ANO7: variants seen among roughly 807,000 people sequenced by gnomAD.
ANO7 encodes anoctamin-7.
In ANO7, 114 loss-of-function variants were observed where a neutral mutation model predicts 115.8. The ratio of observed to expected loss-of-function variants is 0.98; its 90% CI spans 0.85 to 1.15. The LOEUF (loss-of-function observed/expected upper bound fraction) is 1.15, where lower values mean the gene tolerates loss of function less well. Among genes scored for constraint, ANO7 ranks in the 50% most tolerant of loss-of-function variants. The pLI is 0.00. For missense variants in ANO7, 1,302 were observed against 1,201.2 expected (o/e 1.08, Z -1.24); for synonymous variants, 550 against 498.2 (o/e 1.10, Z -1.38).
chr2:241,235,244 A>G, the ANO7 span: 4 of 1,614,200 alleles, frequency 2.5e-6, no homozygotes, highest in East Asian at 2.2e-5. Flanking sequence ...GTGCCGGGAC[A>G]TGTATGTTCA....
chr2:241,230,653 G>T, downstream of ANO7: 1 of 953,398 alleles, frequency 1.0e-6, no homozygotes. The surrounding 1 kb of genome is among the most constrained non-coding windows in gnomAD (Gnocchi z 5.0). Flanking sequence ...CTGGGGTTGT[G>T]GCCTCATCAT....
chr2:241,223,268 G>T lies in ANO7; in HGVS notation c.2404G>T (p.Val802Leu). 1 of 1,614,250 alleles carries T rather than the reference G, an allele frequency of 6.2e-7. No individual in the cohort carries two copies. The highest frequency in any genetic ancestry group is 1.1e-5 in the South Asian group (1 of 91,088). The change falls in exon 22 of 25, where the codon GTG becomes TTG. Residue 802 changes from valine to leucine, a missense_variant. By Grantham distance (32) the Val-to-Leu change is conservative. Transcript: ENST00000674324. ...TGCCATCCGCCTGGCCTTCGTCATT[G>T]TGTTTGAGGTAGCCGAGGCACCTGC... The part of the protein sequence containing the change: ...LLAIRLAFVI[V>L]FEHVVFSVGR...
chr2:241,194,032 C>A (rs931257252), intron 3 of ANO7, among the ~76,000 whole-genome samples: 2 of 152,120 alleles, frequency 1.3e-5, no homozygotes, highest in Admixed American at 6.6e-5. Context: ...TGTGCCACCA[C>A]GCCTGGCTAA....
intron 4 of ANO7, among the ~76,000 whole-genome samples, chr2:241,196,483 C>A (rs1336336750): frequency 6.6e-6 from 1 of 152,232 alleles, no homozygotes; most frequent in Non-Finnish European, 1.5e-5. Flanking sequence ...CCTCTGTCCC[C>A]AGGAGCAGGC....
chr2:241,227,094 G>C (rs1344592330), downstream of ANO7, among the ~76,000 whole-genome samples: 3 of 152,214 alleles, frequency 2.0e-5, no homozygotes, highest in Non-Finnish European at 4.4e-5. Flanking sequence ...ACAGGGACAG[G>C]CAGCCACCCT....
chr2:241,196,077 G>A, intron 4 of ANO7: 1 of 1,416,330 alleles, frequency 7.1e-7, no homozygotes, highest in Middle Eastern at 2.6e-4. Context: ...TCTCATGGAA[G>A]TCGGAGCCCT....
In ANO7 at chr2:241,224,379, T is replaced by A; in HGVS notation, c.*226T>A. ...GGACCGTCAGCTCACAAGGCCCTCT[T>A]TGTTTCCTGCTCCCAGACATAAGCC... On this transcript the variant is annotated 3_prime_UTR_variant, in exon 25 of 25. Transcript: ENST00000674324. 1.7e-6 allele frequency: 1 copy of A among 572,176 alleles called. No individual in the cohort carries two copies. The allele number at this position is 572,176 out of a possible 1,614,324, so 35.4% of individuals were successfully genotyped here. A position where few individuals can be genotyped will look rare whatever the true frequency, so the allele number is the denominator to read the frequency against.
At chr2:241,196,302 C>A in intron 4 of ANO7, 1 of 482,852 alleles carries the variant, frequency 2.1e-6, no homozygotes, top group Non-Finnish European at 2.8e-6. Context: ...GCGTGAGAAA[C>A]AGGAACTAGG....
At chr2:241,233,368 TAAC>T in the ANO7 span, among the ~76,000 whole-genome samples, 78 of 152,192 alleles carry the variant, frequency 5.1e-4, 1 homozygote, top group South Asian at 0.015. The surrounding 1 kb of genome is among the most constrained non-coding windows in gnomAD (Gnocchi z 4.3). Context: ...TTGGAGGAAG[TAAC>T]AACAAGAGTT....
At chr2:241,204,576 A>G (rs1336693799) in intron 9 of ANO7, among the ~76,000 whole-genome samples, 1 of 152,044 alleles carries the variant, frequency 6.6e-6, no homozygotes, top group Admixed American at 6.6e-5. Flanking sequence ...GAGCTGGCTG[A>G]GGAGAAGGCA....
chr2:241,190,135 G>A lies in ANO7; in HGVS notation c.72G>A (p.Lys24=). Reference sequence around the variant, plus strand: ...ATGTGAGCCCCCCTGAGGCAGAGAAGAGGGGCTCTTACGGGAGCACAGCCC... The same window carrying A: ...ATGTGAGCCCCCCTGAGGCAGAGAAAAGGGGCTCTTACGGGAGCACAGCCC... ...LIDVSPPEAE[K]RGSYGSTAHA... Residue 24 remains lysine, a synonymous_variant, in exon 2 of 25, where the codon AAG becomes AAA. Transcript: ENST00000674324. 6.3e-7 allele frequency: 1 copy of A among 1,577,314 alleles called. No individual in the cohort carries two copies. The highest frequency in any genetic ancestry group is 8.6e-7 in the Non-Finnish European group (1 of 1,161,780).
chr2:241,208,509 C>G (rs967559), intron 11 of ANO7, among the ~76,000 whole-genome samples: 117,459 of 152,216 alleles, frequency 0.77, 45,532 homozygotes, highest in East Asian at 0.91. Flanking sequence ...CCAGAGTACT[C>G]TCATCTGGAG....
chr2:241,219,908 G>A, intron 21 of ANO7, among the ~76,000 whole-genome samples: 1 of 152,034 alleles, frequency 6.6e-6, no homozygotes, highest in Admixed American at 6.5e-5. Context: ...TCCTAACAAA[G>A]CCTGAATGAA....
intron 2 of ANO7, 100 bp downstream of exon 2, chr2:241,190,271 A>G: frequency 9.6e-7 from 1 of 1,041,642 alleles, no homozygotes; most frequent in African/African-American, 1.6e-5. Context: ...GTGGATGGGC[A>G]TCACCGTGTT....
intron 6 of ANO7, 147 bp downstream of exon 6, chr2:241,200,372 CGT>C: frequency 8.7e-7 from 1 of 1,152,660 alleles, no homozygotes; most frequent in Non-Finnish European, 1.2e-6. Context: ...ACGCTTATCG[CGT>C]GTCTGCATTT....
rs1310224306 is a variant in ANO7, at chr2:241,212,187, T to C, written c.1655T>C (p.Ile552Thr). 3.1e-6 allele frequency: 5 copies of C among 1,613,958 alleles called. No homozygotes were observed. The highest frequency in any genetic ancestry group is 1.3e-5 in the African/African-American group (1 of 74,954). The change falls in exon 16 of 25, where the codon ATT becomes ACT. Residue 552 changes from isoleucine to threonine, a missense_variant. Transcript: ENST00000674324. ...AACTTCTACTCCTCACCCGTCTACATTGCCTTCTTCAAGGGCAGGTTGGTG... is the reference window on the plus strand; with the variant it reads ...AACTTCTACTCCTCACCCGTCTACACTGCCTTCTTCAAGGGCAGGTTGGTG... ...FVNFYSSPVY[I>T]AFFKGRFVGY... is the part of the protein sequence containing the mutation.
chr2:241,193,113 C>A (rs2068243315), intron 3 of ANO7, among the ~76,000 whole-genome samples: 1 of 152,048 alleles, frequency 6.6e-6, no homozygotes, highest in South Asian at 2.1e-4. Context: ...CTCACTCTCA[C>A]CCAGGCTGGA....
At chr2:241,233,656 C>A in the ANO7 span, among the ~76,000 whole-genome samples, 1 of 152,136 alleles carries the variant, frequency 6.6e-6, no homozygotes, top group African/African-American at 2.4e-5. This position sits in a 1 kb window ranked among gnomAD's most constrained non-coding sequence, Gnocchi z 4.3. Flanking sequence ...TGGCAAGTAC[C>A]GAGACACAGC....
Position 241,203,866 on chromosome 2 carries a change from T to A in ANO7, c.889+368T>A, listed in dbSNP as rs2068529988. Among the ~76,000 whole-genome samples, 1 of 151,732 alleles carries A rather than the reference T, an allele frequency of 6.6e-6. No individual in the cohort carries two copies. The highest frequency in any genetic ancestry group is 1.5e-5 in the Non-Finnish European group (1 of 67,886). ...GCCTGGGTCCAGGCCAAGCCTCTCA[T>A]CTCCTCCAAGCAGGCCATCTGCCCC... On this transcript the variant is annotated intron_variant, in intron 9 of 24. Coordinates refer to ENST00000674324, the MANE Select transcript of ANO7 (RefSeq NM_001370694.2). This position sits in a 1 kb window ranked among gnomAD's most constrained non-coding sequence, Gnocchi z 4.8.
Sources: gnomAD v4.1 joint callset for allele counts (sites outside exome capture counted in the v4.1 genomes callset) on GRCh38, gnomAD v4.1.1 for gene constraint, Gnocchi (gnomAD v3.1) non-coding constraint, MANE v1.5 for transcripts, NCBI Gene and HGNC (gene_info 2026-07-23, HGNC 2026-07-21) for gene names.